CNTN4: variants seen among roughly 807,000 people sequenced by gnomAD.
CNTN4 encodes contactin-4.
A neutral mutation model predicts 122.5 loss-of-function variants in CNTN4; 77 were observed. The ratio of observed to expected loss-of-function variants is 0.63; its 90% CI spans 0.52 to 0.76. The LOEUF (loss-of-function observed/expected upper bound fraction) is 0.76. Ranked by LOEUF, CNTN4 falls within the 30% of genes least tolerant of loss-of-function variation. The pLI is 0.00. For synonymous variants in CNTN4, 512 were observed against 447.0 expected (o/e 1.15, Z -1.83); for missense variants, 1,256 against 1,259.1 (o/e 1.00, Z 0.04).
Position 2,925,761 on chromosome 3 carries a change from T to A in CNTN4, c.1340T>A (p.Ile447Lys). The A allele has an allele frequency of 4.3e-6, 7 of 1,613,646 alleles. No homozygotes were observed. Among genetic ancestry groups the A allele is most frequent in the Non-Finnish European group, 5.9e-6 (7 of 1,179,606 alleles). The part of the protein sequence containing the change: ...PVYTWKKGRD[I>K]LKENERITIS... ...TACACCTGGAAGAAAGGAAGGGATA[T>A]ATTAAAAGAAAATGAAAGGTACTGT... Residue 447 changes from isoleucine (I) to lysine (K), a missense_variant, in exon 13 of 25, where the codon ATA becomes AAA. Coordinates refer to ENST00000418658, the MANE Select transcript of CNTN4 (RefSeq NM_175607.3).
intron 3 of CNTN4, among the ~76,000 whole-genome samples, chr3:2,468,621 A>G (rs1164674921): frequency 2.0e-5 from 3 of 152,180 alleles, no homozygotes; most frequent in Non-Finnish European, 2.9e-5. Context: ...TTACTATTAC[A>G]GTTTTTAATT....
chr3:2,949,334 T>C (rs2094712739), intron 13 of CNTN4, among the ~76,000 whole-genome samples: 1 of 152,134 alleles, frequency 6.6e-6, no homozygotes, highest in Non-Finnish European at 1.5e-5. Context: ...ACTGGATTCA[T>C]AGATGAAATA....
At position 2,380,504 on chromosome 3, in the gene CNTN4, A is replaced by G. The variant is rs577079101; in HGVS notation, c.-89+41271A>G. Among the ~76,000 whole-genome samples the G allele has an allele frequency of 3.9e-5, 6 of 152,356 alleles. No individual in the cohort carries two copies. In the South Asian group the frequency reaches 1.0e-3, roughly 26 times the overall value. The stretch of plus-strand genomic sequence containing the variant: ...ATGAATTTGAATAGTAACGATGCTT[A>G]CCACTCTTGAAGGATATTTTGCAAA... On this transcript the variant is annotated intron_variant, in intron 3 of 24. Transcript: ENST00000418658.
chr3:2,384,689 G>A (rs187617454), intron 3 of CNTN4, among the ~76,000 whole-genome samples: 5 of 151,966 alleles, frequency 3.3e-5, no homozygotes, highest in African/African-American at 9.7e-5. Context: ...CATGCTCTTA[G>A]CCCAGCTATT....
chr3:2,106,916 G>A (rs913909900), intron 2 of CNTN4, among the ~76,000 whole-genome samples: 8 of 152,136 alleles, frequency 5.3e-5, no homozygotes, highest in Non-Finnish European at 1.2e-4. Flanking sequence ...CTAGGGCAGG[G>A]GCAAAATTCT....
At chr3:2,926,971 A>C (rs2094479088) in intron 13 of CNTN4, among the ~76,000 whole-genome samples, 1 of 152,076 alleles carries the variant, frequency 6.6e-6, no homozygotes, top group African/African-American at 2.4e-5. Context: ...CATGAGATTC[A>C]TTTTCTGTTT....
intron 2 of CNTN4, among the ~76,000 whole-genome samples, chr3:2,161,180 A>T (rs1022484046): frequency 2.6e-5 from 4 of 151,984 alleles, no homozygotes; most frequent in East Asian, 1.9e-4. Flanking sequence ...AATTTTAGGG[A>T]TGAATAGAAA....
rs1460738066 is a variant in CNTN4 at position 2,461,035 on chromosome 3, ACAGTCTTAC to A, written c.-88-110371_-88-110363del. On this transcript the variant is annotated intron_variant, in intron 3 of 24. Coordinates refer to ENST00000418658, the MANE Select transcript of CNTN4 (RefSeq NM_175607.3). The stretch of plus-strand genomic sequence containing the variant: ...TGGGTGATGAGTGGAATTCATCTAC[ACAGTCTTAC>A]CAGTCTTACAAATGTCTGTCCTAAA... Among the ~76,000 whole-genome samples, 5 of 152,282 alleles carry A rather than the reference ACAGTCTTAC, an allele frequency of 3.3e-5. No homozygotes were observed. The South Asian group carries it at 6.2e-4, about 19-fold the overall frequency.
At chr3:2,354,998 C>G (rs940188193) in intron 3 of CNTN4, among the ~76,000 whole-genome samples, 3 of 152,184 alleles carry the variant, frequency 2.0e-5, no homozygotes, top group African/African-American at 7.2e-5. Flanking sequence ...GTCATAGCCT[C>G]CCAGTGGATA....
At chr3:2,655,162 C>A (rs1214817728) in intron 4 of CNTN4, among the ~76,000 whole-genome samples, 2 of 152,064 alleles carry the variant, frequency 1.3e-5, no homozygotes, top group Non-Finnish European at 2.9e-5. Flanking sequence ...TTGTTTTATT[C>A]CTCCTCCCTC....
chr3:2,707,704 C>A (rs1473760199), intron 4 of CNTN4, among the ~76,000 whole-genome samples: 1 of 152,070 alleles, frequency 6.6e-6, no homozygotes, highest in Non-Finnish European at 1.5e-5. Context: ...ATTGCAGTGG[C>A]TTGATCATAG....
intron 13 of CNTN4, among the ~76,000 whole-genome samples, chr3:2,948,468 CA>C (rs766306092): frequency 1.3e-5 from 2 of 152,100 alleles, no homozygotes; most frequent in Non-Finnish European, 2.9e-5. Flanking sequence ...GGAGAGTGAA[CA>C]AGTATTTATT....
At chr3:2,651,926 C>G (rs1024429183) in intron 4 of CNTN4, among the ~76,000 whole-genome samples, 1 of 151,758 alleles carries the variant, frequency 6.6e-6, no homozygotes, top group African/African-American at 2.4e-5. Context: ...AGGCTGATCT[C>G]AAACTCCTGA....
intron 2 of CNTN4, among the ~76,000 whole-genome samples, chr3:2,298,908 A>T (rs931982698): frequency 6.6e-6 from 1 of 152,194 alleles, no homozygotes; most frequent in African/African-American, 2.4e-5. Flanking sequence ...GGTATATGAG[A>T]ATTTGTATTG....
At chr3:2,226,432 T>C (rs1296356649) in intron 2 of CNTN4, among the ~76,000 whole-genome samples, 1 of 152,180 alleles carries the variant, frequency 6.6e-6, no homozygotes, top group African/African-American at 2.4e-5. Flanking sequence ...CCACTTTACA[T>C]ACAGAGCAGG....
chr3:2,134,217 T>C (rs1308502607), intron 2 of CNTN4, among the ~76,000 whole-genome samples: 1 of 152,218 alleles, frequency 6.6e-6, no homozygotes. Context: ...CTATTAAGGT[T>C]ATGTATCAGA....
chr3:2,710,312 A>T (rs887353827), intron 4 of CNTN4, among the ~76,000 whole-genome samples: 5 of 152,208 alleles, frequency 3.3e-5, no homozygotes, highest in African/African-American at 9.6e-5. Context: ...GCCAAATGTA[A>T]GAAGCAATTG....
chr3:2,788,589 A>C (rs558330252), intron 6 of CNTN4, among the ~76,000 whole-genome samples: 1 of 152,356 alleles, frequency 6.6e-6, no homozygotes, highest in South Asian at 2.1e-4. Context: ...TCTTTGGAAA[A>C]ATATACTGTC....
intron 2 of CNTN4, among the ~76,000 whole-genome samples, chr3:2,184,752 CAGAG>C (rs1229781009): frequency 1.3e-5 from 2 of 152,142 alleles, no homozygotes; most frequent in African/African-American, 4.8e-5. Flanking sequence ...ATCTTGGACA[CAGAG>C]AGCTGCCTTC....
Sources: allele counts gnomAD v4.1 joint callset (sites outside exome capture counted in the v4.1 genomes callset), GRCh38; gene constraint gnomAD v4.1.1; transcripts MANE v1.5; gene names NCBI Gene and HGNC (gene_info 2026-07-23, HGNC 2026-07-21).